Variants in MAL observed in about 807,000 individuals in gnomAD.
MAL encodes the protein myelin and lymphocyte protein.
Under a neutral mutation model 16.7 loss-of-function variants are expected in MAL, and 5 were observed. The observed-to-expected ratio is 0.30, with a 90% CI of 0.16 to 0.63. The LOEUF is 0.63. MAL is among the 30% of genes least tolerant of loss of function. MAL has a pLI of 0.82. For synonymous variants in MAL, 96 were observed against 85.5 expected (o/e 1.12, Z -0.67); for missense variants, 202 against 195.8 (o/e 1.03, Z -0.19).
intron 1 of MAL, among the ~76,000 whole-genome samples, chr2:95,027,369 C>T (rs544044648): frequency 6.6e-6 from 1 of 152,290 alleles, no homozygotes; most frequent in Admixed American, 6.5e-5. Flanking sequence ...TGTGGCCTGC[C>T]GGTAGCGGGG....
intron 1 of MAL, among the ~76,000 whole-genome samples, chr2:95,029,682 G>A (rs1674029399): frequency 6.6e-6 from 1 of 152,164 alleles, no homozygotes; most frequent in South Asian, 2.1e-4. Context: ...GTCCAAAAGA[G>A]TAATTCCAAT....
chr2:95,032,281 C>T (rs1674103439), intron 1 of MAL, among the ~76,000 whole-genome samples: 1 of 152,280 alleles, frequency 6.6e-6, no homozygotes, highest in African/African-American at 2.4e-5. Context: ...ACTAGCTCTG[C>T]ACAGCCTTAG....
intron 1 of MAL, among the ~76,000 whole-genome samples, chr2:95,041,458 CT>C (rs1264673151): frequency 6.6e-6 from 1 of 152,180 alleles, no homozygotes; most frequent in Non-Finnish European, 1.5e-5. Context: ...CATATTCAGA[CT>C]GCTGGGATTT....
chr2:95,053,657 G>A lies in MAL; in HGVS notation c.*202G>A. 1 of 582,804 alleles carries A rather than the reference G, an allele frequency of 1.7e-6. No homozygotes were observed. The highest frequency in any genetic ancestry group is 3.0e-6 in the Non-Finnish European group (1 of 328,258). The allele number at this position is 582,804 out of a possible 1,614,324, so 36.1% of individuals were successfully genotyped here. A position where few individuals can be genotyped will look rare whatever the true frequency, so the allele number is the denominator to read the frequency against. ...TCCCGTGTGCCTTCGCGTCCGGGTTGGGAGCTTGCTGTGTCTAACCTCCAA... is the reference window on the plus strand; with the variant it reads ...TCCCGTGTGCCTTCGCGTCCGGGTTAGGAGCTTGCTGTGTCTAACCTCCAA... On this transcript the variant is annotated 3_prime_UTR_variant, in exon 4 of 4. Transcript: ENST00000309988.
At chr2:95,033,814 C>G (rs1674142801) in intron 1 of MAL, among the ~76,000 whole-genome samples, 1 of 152,050 alleles carries the variant, frequency 6.6e-6, no homozygotes, top group South Asian at 2.1e-4. Flanking sequence ...CAAAGCTGAC[C>G]CTAGACACAA....
chr2:95,042,796 A>G (rs1674501465), intron 1 of MAL, among the ~76,000 whole-genome samples: 1 of 152,106 alleles, frequency 6.6e-6, no homozygotes, highest in Non-Finnish European at 1.5e-5. Flanking sequence ...GAACCCTCAC[A>G]TACTCCCTTG....
At chr2:95,030,132 A>G (rs1674042960) in intron 1 of MAL, among the ~76,000 whole-genome samples, 1 of 152,146 alleles carries the variant, frequency 6.6e-6, no homozygotes, top group Non-Finnish European at 1.5e-5. Context: ...AGGGTGGGGC[A>G]TAGCAACCTC....
rs375041224 is a variant in MAL, at chr2:95,049,740, G to C, written c.387+34G>C. 16 of 1,612,132 alleles carry C rather than the reference G, an allele frequency of 9.9e-6. No individual in the cohort carries two copies. The South Asian group carries it at 1.8e-4, about 18-fold the overall frequency. ...GGGCACCTGGGGCTGTGTCCACAGC[G>C]GGCGGCTCCGTGGCTGGCAGGGTGT... On this transcript the variant is annotated intron_variant, in intron 3 of 3. Transcript: ENST00000309988.
chr2:95,042,516 T>C (rs1314396377), intron 1 of MAL, among the ~76,000 whole-genome samples: 1 of 152,154 alleles, frequency 6.6e-6, no homozygotes, highest in Non-Finnish European at 1.5e-5. Context: ...CTCAAGGCCC[T>C]GGGACTCAGA....
intron 3 of MAL, 73 bp downstream of exon 3, chr2:95,049,779 C>T: frequency 5.7e-6 from 9 of 1,588,774 alleles, no homozygotes; most frequent in Non-Finnish European, 6.9e-6. Flanking sequence ...TGGAGGCTGC[C>T]TAGGCCCTTG....
At chr2:95,053,245 T>G (rs1237105391) in intron 3 of MAL, 136 bp from the exon 4 acceptor site, 4 of 707,134 alleles carry the variant, frequency 5.7e-6, no homozygotes, top group Non-Finnish European at 1.0e-5. Flanking sequence ...GGCGTCCATG[T>G]GAGGGTGAGA....
intron 1 of MAL, among the ~76,000 whole-genome samples, chr2:95,027,131 C>T (rs1385985411): frequency 6.6e-6 from 1 of 152,108 alleles, no homozygotes; most frequent in African/African-American, 2.4e-5. Context: ...ATGAACGCAG[C>T]CCCACCGTTT....
chr2:95,034,764 G>A (rs1674167174), intron 1 of MAL, among the ~76,000 whole-genome samples: 1 of 152,114 alleles, frequency 6.6e-6, no homozygotes. Context: ...TGGTCAGGTT[G>A]GGGGCAGCAG....
At chr2:95,035,289 G>A (rs988302796) in intron 1 of MAL, among the ~76,000 whole-genome samples, 1 of 152,124 alleles carries the variant, frequency 6.6e-6, no homozygotes, top group African/African-American at 2.4e-5. Flanking sequence ...GCATTTCCAC[G>A]GATTTTGCCT....
At position 95,049,645 on chromosome 2, in the gene MAL, C is replaced by T; in HGVS notation, c.326C>T (p.Ala109Val). 6.2e-7 allele frequency: 1 copy of T among 1,614,238 alleles called. No individual in the cohort carries two copies. The change falls in exon 3 of 4, where the codon GCC (alanine) becomes GTC (valine). Residue 109 changes from alanine to valine, a missense_variant. Physicochemically the swap from Ala to Val is moderately conservative, Grantham distance 64. Coordinates refer to ENST00000309988, the MANE Select transcript of MAL (RefSeq NM_002371.4). The stretch of plus-strand genomic sequence containing the variant: ...AGCGCCTCAGTCCTGGAGGCCCTGG[C>T]CACCATCACGATGCAAGACGGCTTC... ...YLSASVLEAL[A>V]TITMQDGFTY...
At chr2:95,030,407 A>G (rs533662581) in intron 1 of MAL, among the ~76,000 whole-genome samples, 82 of 152,290 alleles carry the variant, frequency 5.4e-4, no homozygotes, top group Middle Eastern at 6.8e-3. Context: ...AGTCCCACCC[A>G]GTGAGGAACT....
intron 1 of MAL, among the ~76,000 whole-genome samples, chr2:95,031,488 C>T (rs563834185): frequency 3.3e-5 from 5 of 152,238 alleles, no homozygotes; most frequent in South Asian, 4.1e-4. Flanking sequence ...AGACTTGGAG[C>T]GGACATCTCG....
chr2:95,047,458 C>T (rs139261945), intron 1 of MAL, among the ~76,000 whole-genome samples: 7 of 152,332 alleles, frequency 4.6e-5, no homozygotes, highest in East Asian at 1.9e-4. Flanking sequence ...CAGTGGCTCA[C>T]GCCTGTAATC....
chr2:95,026,224 A>T lies in MAL; in HGVS notation c.93+339A>T, dbSNP rs1464882489. 8 of 214,206 alleles carry T rather than the reference A, an allele frequency of 3.7e-5. 1 individual carries two copies. Among genetic ancestry groups the T allele is most frequent in the Non-Finnish European group, 7.3e-5 (8 of 109,152 alleles). The allele number at this position is 214,206 out of a possible 1,614,324, so 13.3% of individuals were successfully genotyped here. ...GGGCCCACTTGACGCGCGCAGCGCC[A>T]CCGAAGCTCCCGCCGCGCTTTGCGC... is the stretch of plus-strand genomic sequence containing the variant. On this transcript the variant is annotated intron_variant, in intron 1 of 3. Transcript: ENST00000309988.
Sources: gnomAD v4.1 joint callset for allele counts (sites outside exome capture counted in the v4.1 genomes callset) on GRCh38, gnomAD v4.1.1 for gene constraint, MANE v1.5 for transcripts, NCBI Gene and HGNC (gene_info 2026-07-23, HGNC 2026-07-21) for gene names.